GABRA5: variants seen among roughly 807,000 people sequenced by gnomAD.
The protein encoded by GABRA5 is gamma-aminobutyric acid type A receptor subunit alpha5.
GABRA5 carries 18 observed loss-of-function variants against 47.3 expected under a neutral mutation model. The observed-to-expected ratio is 0.38, with a 90% confidence interval of 0.26 to 0.56. The LOEUF (loss-of-function observed/expected upper bound fraction) is 0.56. Among genes scored for constraint, GABRA5 ranks in the 20% least tolerant of loss-of-function variants. The probability of loss-of-function intolerance (pLI) is 0.71; values close to 1 mark genes in which losing one functional copy is unlikely to be tolerated. For missense variants in GABRA5, 365 were observed against 599.3 expected (o/e 0.61, Z 4.08); for synonymous variants, 237 against 229.3 (o/e 1.03, Z -0.30).
At chr15:26,930,197 A>G (rs1420967946) in intron 7 of GABRA5, among the ~76,000 whole-genome samples, 1 of 151,482 alleles carries the variant, frequency 6.6e-6, no homozygotes, top group East Asian at 2.0e-4. Flanking sequence ...ATTTTTAGTA[A>G]AGACGGGGTT....
intron 4 of GABRA5, among the ~76,000 whole-genome samples, chr15:26,882,604 T>G (rs9672235): frequency 0.01 from 1,528 of 152,310 alleles, 28 homozygotes; most frequent in African/African-American, 0.035. Flanking sequence ...TCTCCCATGA[T>G]AGGGCTTTCT....
intron 7 of GABRA5, among the ~76,000 whole-genome samples, chr15:26,922,550 T>C (rs1045431661): frequency 1.3e-5 from 2 of 152,198 alleles, no homozygotes; most frequent in South Asian, 4.1e-4. Flanking sequence ...ATATTTACAC[T>C]CTTTATATTT....
chr15:26,920,115 G>A (rs1261285613), intron 7 of GABRA5, among the ~76,000 whole-genome samples: 1 of 151,950 alleles, frequency 6.6e-6, no homozygotes, highest in Non-Finnish European at 1.5e-5. Context: ...GTACTTCCTA[G>A]ATCTGTTTCT....
At chr15:26,902,048 T>C (rs574239222) in intron 6 of GABRA5, among the ~76,000 whole-genome samples, 12 of 152,220 alleles carry the variant, frequency 7.9e-5, no homozygotes, top group Admixed American at 6.6e-4. Context: ...TTGATTACTA[T>C]AGCTTTATAA....
At chr15:26,904,605 G>A (rs1209044484) in intron 6 of GABRA5, among the ~76,000 whole-genome samples, 2 of 152,100 alleles carry the variant, frequency 1.3e-5, no homozygotes, top group Non-Finnish European at 2.9e-5. Context: ...AGCATGGAAT[G>A]TTTTTCCATT....
At chr15:26,870,830 C>T (rs1217347103) in intron 3 of GABRA5, among the ~76,000 whole-genome samples, 3 of 152,090 alleles carry the variant, frequency 2.0e-5, no homozygotes, top group Non-Finnish European at 2.9e-5. Context: ...TTTGATATAC[C>T]GCATATATTT....
chr15:26,924,532 G>T (rs1199155481), intron 7 of GABRA5, among the ~76,000 whole-genome samples: 1 of 152,156 alleles, frequency 6.6e-6, no homozygotes, highest in Non-Finnish European at 1.5e-5. Context: ...CTTCCTACAT[G>T]GCTTTTACTA....
At chr15:26,874,301 T>A (rs1566862438) in intron 3 of GABRA5, among the ~76,000 whole-genome samples, 1 of 147,988 alleles carries the variant, frequency 6.8e-6, no homozygotes, top group Admixed American at 6.8e-5. Flanking sequence ...GTGTATCCCC[T>A]TAATATTCAC....
intron 10 of GABRA5, among the ~76,000 whole-genome samples, chr15:26,946,023 G>A (rs1403797052): frequency 6.6e-6 from 1 of 152,158 alleles, no homozygotes; most frequent in Admixed American, 6.5e-5. Flanking sequence ...AACTGCCATC[G>A]CATTTCCGAG....
intron 6 of GABRA5, among the ~76,000 whole-genome samples, chr15:26,908,391 C>T (rs1175817282): frequency 2.0e-5 from 3 of 152,160 alleles, no homozygotes; most frequent in Non-Finnish European, 2.9e-5. Context: ...ATAAGCCCTG[C>T]ACAGACTTGC....
intron 6 of GABRA5, among the ~76,000 whole-genome samples, chr15:26,911,397 A>AC (rs778398739): frequency 0.017 from 2,027 of 117,496 alleles, 16 homozygotes; most frequent in African/African-American, 0.027. Context: ...ACACACACAC[A>AC]AACACACACA....
At chr15:26,900,805 A>G (rs931801341) in intron 6 of GABRA5, among the ~76,000 whole-genome samples, 2 of 152,070 alleles carry the variant, frequency 1.3e-5, no homozygotes, top group African/African-American at 4.8e-5. Flanking sequence ...CACCATTACG[A>G]TATCACAGGA....
intron 6 of GABRA5, among the ~76,000 whole-genome samples, chr15:26,896,377 G>A (rs1350887406): frequency 6.6e-6 from 1 of 152,184 alleles, no homozygotes; most frequent in African/African-American, 2.4e-5. Flanking sequence ...CTCATGGTCT[G>A]TGTCAGTCTC....
intron 6 of GABRA5, among the ~76,000 whole-genome samples, chr15:26,906,185 T>C (rs1015960285): frequency 1.3e-5 from 2 of 152,184 alleles, no homozygotes; most frequent in African/African-American, 2.4e-5. Flanking sequence ...TGGTGAGTTT[T>C]TGAGCTAATA....
rs768455924 is a variant in GABRA5 at position 26,883,456 on chromosome 15, C to T, written c.396C>T (p.Asp132=). ...NLLASKIWTP[D]TFFHNGKKSI... is the part of the protein sequence containing the mutation. ...TTGCCAGCAAGATCTGGACCCCAGA[C>T]ACGTTCTTCCACAACGGGAAGAAGT... is the stretch of plus-strand genomic sequence containing the variant. The change falls in exon 6 of 11, where the codon GAC becomes GAT. Residue 132 remains aspartate, a synonymous_variant. Coordinates refer to ENST00000335625, the MANE Select transcript of GABRA5 (RefSeq NM_000810.4). The surrounding 1 kb of genome is among the most constrained non-coding windows in gnomAD (Gnocchi z 4.8). The T allele has an allele frequency of 1.2e-6, 2 of 1,614,220 alleles. No homozygotes were observed. Among genetic ancestry groups the T allele is most frequent in the South Asian group, 2.2e-5 (2 of 91,088 alleles).
intron 6 of GABRA5, among the ~76,000 whole-genome samples, chr15:26,900,309 A>T (rs1595410624): frequency 1.3e-5 from 2 of 152,140 alleles, no homozygotes; most frequent in African/African-American, 2.4e-5. Context: ...TAATTATACA[A>T]TTTTTTTGTA....
chr15:26,905,557 A>G (rs1893424473), intron 6 of GABRA5, among the ~76,000 whole-genome samples: 1 of 151,750 alleles, frequency 6.6e-6, no homozygotes, highest in South Asian at 2.1e-4. Flanking sequence ...TTTTTTTCAA[A>G]TATTCTTTCT....
intron 6 of GABRA5, among the ~76,000 whole-genome samples, chr15:26,904,294 G>C (rs1336812129): frequency 6.6e-6 from 1 of 151,886 alleles, no homozygotes; most frequent in East Asian, 1.9e-4. Flanking sequence ...CTTATTTCTG[G>C]GGTCTCTGTA....
chr15:26,897,501 G>T (rs950730100), intron 6 of GABRA5, among the ~76,000 whole-genome samples: 1 of 152,122 alleles, frequency 6.6e-6, no homozygotes, highest in Non-Finnish European at 1.5e-5. Flanking sequence ...CACCCAGCCC[G>T]TGGTACTTTG....
Sources: gnomAD v4.1 joint callset for allele counts (sites outside exome capture counted in the v4.1 genomes callset) on GRCh38, gnomAD v4.1.1 for gene constraint, Gnocchi (gnomAD v3.1) non-coding constraint, MANE v1.5 for transcripts, NCBI Gene and HGNC (gene_info 2026-07-23, HGNC 2026-07-21) for gene names.